The following GRM5 variants were observed in gnomAD, a reference collection of about 807,000 sequenced individuals.
GRM5 encodes the protein glutamate metabotropic receptor 5.
A neutral mutation model predicts 83.1 loss-of-function variants in GRM5; 19 were observed. The ratio of observed to expected loss-of-function variants is 0.23; its 90% CI spans 0.16 to 0.34. The LOEUF (loss-of-function observed/expected upper bound fraction) is 0.34, where lower values mean the gene tolerates loss of function less well. Ranked by LOEUF, GRM5 falls within the 10% of genes least tolerant of loss-of-function variation. GRM5 has a pLI of 1.00. For missense variants in GRM5, 1,160 were observed against 1,588.3 expected, an observed-to-expected ratio of 0.73 and a Z score of 4.58; for synonymous variants, 675 against 633.6, an observed-to-expected ratio of 1.07 and a Z score of -0.98.
At chr11:88,750,999 G>C (rs180703595) in intron 3 of GRM5, among the ~76,000 whole-genome samples, 1 of 107,878 alleles carries the variant, frequency 9.3e-6, no homozygotes, top group Non-Finnish European at 1.8e-5. Context: ...TCAACTAAAA[G>C]AACTAGAGAA....
intron 2 of GRM5, among the ~76,000 whole-genome samples, chr11:88,971,934 C>T (rs1939176406): frequency 6.6e-6 from 1 of 152,056 alleles, no homozygotes; most frequent in Non-Finnish European, 1.5e-5. Context: ...CAGAGGTACT[C>T]TAGGGGCATG....
intron 2 of GRM5, among the ~76,000 whole-genome samples, chr11:88,877,829 G>GGA (rs112098289): frequency 7.3e-6 from 1 of 137,066 alleles, no homozygotes; most frequent in African/African-American, 2.7e-5. Flanking sequence ...CTCTGTGGAA[G>GGA]AAAAAAAAAA....
At chr11:88,602,202 G>A (rs976983789) in intron 5 of GRM5, among the ~76,000 whole-genome samples, 8 of 152,064 alleles carry the variant, frequency 5.3e-5, no homozygotes, top group East Asian at 1.9e-4. Flanking sequence ...GTGAATATTC[G>A]TATGTTTTGC....
chr11:88,949,374 A>C (rs1432779483), intron 2 of GRM5, among the ~76,000 whole-genome samples: 1 of 152,190 alleles, frequency 6.6e-6, no homozygotes, highest in Admixed American at 6.5e-5. Flanking sequence ...CATTACTGTA[A>C]TTCTTATGAA....
intron 2 of GRM5, among the ~76,000 whole-genome samples, chr11:88,864,714 T>C (rs1290847490): frequency 6.6e-6 from 1 of 151,902 alleles, no homozygotes; most frequent in Non-Finnish European, 1.5e-5. Flanking sequence ...ATGTTAAATA[T>C]GGTGAGAGAG....
At chr11:88,974,938 A>T (rs190324748) in intron 2 of GRM5, among the ~76,000 whole-genome samples, 1 of 152,322 alleles carries the variant, frequency 6.6e-6, no homozygotes, top group East Asian at 1.9e-4. Context: ...GTCTTAGATA[A>T]TTGCAGTGGA....
Position 88,597,401 on chromosome 11 carries a change from A to C in GRM5, c.1395-49T>G, listed in dbSNP as rs199680918. ...TATGCAGCTTAAGATGTAAATACTC[A>C]GCTTTGAAAAGGCAATATATTTTAT... is the stretch of plus-strand genomic sequence containing the variant. On this transcript the variant is annotated intron_variant, in intron 5 of 9. Coordinates refer to ENST00000305447, the MANE Select transcript of GRM5 (RefSeq NM_001143831.3). The C allele has an allele frequency of 4.1e-6, 4 of 976,878 alleles. No homozygotes were observed. The Admixed American group carries it at 1.1e-4, about 27-fold the overall frequency. 60.5% of individuals were successfully genotyped at this position (976,878 alleles called of 1,614,324 possible).
intron 9 of GRM5, among the ~76,000 whole-genome samples, chr11:88,512,667 GAAT>G (rs777510663): frequency 6.6e-6 from 1 of 152,134 alleles, no homozygotes; most frequent in African/African-American, 2.4e-5. Context: ...ACTTGGAAAA[GAAT>G]AATCTTTTTA....
intron 3 of GRM5, among the ~76,000 whole-genome samples, chr11:88,803,987 T>A (rs1343794564): frequency 6.6e-6 from 1 of 150,808 alleles, no homozygotes; most frequent in African/African-American, 2.4e-5. Flanking sequence ...CACAATGAGA[T>A]ACCATCTCAC....
rs190430980 is a variant in GRM5, at chr11:88,605,156, T to G, written c.1148-192A>C. Among the ~76,000 whole-genome samples the G allele has an allele frequency of 1.2e-4, 19 of 152,280 alleles. No individual in the cohort carries two copies. In the East Asian group the frequency reaches 3.1e-3, roughly 25 times the overall value. ...ATAGTTATCTTCTGTATTCAGGTTT[T>G]TCTTCCAAAACTCTGAAAAAAGTTC... On this transcript the variant is annotated intron_variant, in intron 4 of 9. Transcript: ENST00000305447.
intron 9 of GRM5, among the ~76,000 whole-genome samples, chr11:88,510,373 C>G (rs1941331693): frequency 6.6e-6 from 1 of 152,196 alleles, no homozygotes; most frequent in African/African-American, 2.4e-5. Flanking sequence ...AAGCCACTCT[C>G]AAGATGTGAT....
chr11:88,935,761 T>C (rs1024852148), intron 2 of GRM5, among the ~76,000 whole-genome samples: 17 of 151,962 alleles, frequency 1.1e-4, no homozygotes, highest in Non-Finnish European at 1.9e-4. Flanking sequence ...CCTTCATTTA[T>C]AAACCACACA....
intron 3 of GRM5, among the ~76,000 whole-genome samples, chr11:88,784,051 A>C (rs1565229043): frequency 6.6e-6 from 1 of 152,032 alleles, no homozygotes; most frequent in Non-Finnish European, 1.5e-5. Context: ...TGATGCTAAA[A>C]ATTAAGCTCA....
rs186877742 is a variant in GRM5, at chr11:88,692,838, C to G, written c.912-39435G>C. On this transcript the variant is annotated intron_variant, in intron 3 of 9. Transcript: ENST00000305447. ...CTTCTCTTAATTTCAGGGCCACCCT[C>G]CATGCCTCCATCCTGGAGGCCTGCA... 1.9e-3 allele frequency among the ~76,000 whole-genome samples: 295 copies of G among 152,274 alleles called. 1 individual carries two copies. The highest frequency in any genetic ancestry group is 6.9e-3 in the African/African-American group (286 of 41,566).
chr11:88,807,358 T>A (rs1590872654), intron 3 of GRM5, among the ~76,000 whole-genome samples: 2 of 152,172 alleles, frequency 1.3e-5, no homozygotes, highest in Non-Finnish European at 2.9e-5. Context: ...ACTCTGTCCC[T>A]AGCCTGTAAT....
chr11:88,565,915 T>G (rs1410306546), intron 8 of GRM5, among the ~76,000 whole-genome samples: 1 of 152,220 alleles, frequency 6.6e-6, no homozygotes, highest in Non-Finnish European at 1.5e-5. Flanking sequence ...ATTTTCAAAC[T>G]TCAGCAGACA....
At chr11:88,939,808 T>C (rs643216) in intron 2 of GRM5, among the ~76,000 whole-genome samples, 39,018 of 151,734 alleles carry the variant, frequency 0.26, 5,955 homozygotes, top group Non-Finnish European at 0.35. Context: ...AAAAAACTTC[T>C]ATTAAGAAGT....
rs919779824 is a variant in GRM5, at chr11:89,065,797, G to T, written c.-222C>A. On this transcript the variant is annotated 5_prime_UTR_variant, in exon 1 of 10. Coordinates refer to ENST00000305447, the MANE Select transcript of GRM5 (RefSeq NM_001143831.3). ...TTACCAGGTGCGCGCCCTGAGCCTT[G>T]CGCCCCCAGGCAGCCGCTCCTCGAG... 4 of 152,278 alleles carry T rather than the reference G, an allele frequency of 2.6e-5. No homozygotes were observed. Among genetic ancestry groups the T allele is most frequent in the Non-Finnish European group, 5.9e-5 (4 of 68,078 alleles). The allele number at this position is 152,278 out of a possible 1,614,324, so 9.4% of individuals were successfully genotyped here.
At chr11:88,804,083 T>C (rs1430419285) in intron 3 of GRM5, among the ~76,000 whole-genome samples, 3 of 152,162 alleles carry the variant, frequency 2.0e-5, no homozygotes, top group Non-Finnish European at 4.4e-5. Context: ...TTTACACTGT[T>C]AGTGGGACTA....
Sources: allele counts gnomAD v4.1 joint callset (sites outside exome capture counted in the v4.1 genomes callset), GRCh38; gene constraint gnomAD v4.1.1; transcripts MANE v1.5; gene names NCBI Gene and HGNC (gene_info 2026-07-23, HGNC 2026-07-21).